VTI1A: variants seen among roughly 807,000 people sequenced by gnomAD.
VTI1A encodes vesicle transport through interaction with t-SNAREs homolog 1A.
A neutral mutation model predicts 34.9 loss-of-function variants in VTI1A; 22 were observed. The observed-to-expected ratio is 0.63, with a 90% CI of 0.45 to 0.90. The LOEUF is 0.90. Ranked by LOEUF, VTI1A falls within the 40% of genes least tolerant of loss-of-function variation. The pLI is 0.00. For synonymous variants in VTI1A, 87 were observed against 97.3 expected, an observed-to-expected ratio of 0.89 and a Z score of 0.62; for missense variants, 268 against 275.6, an observed-to-expected ratio of 0.97 and a Z score of 0.20.
In VTI1A at chr10:112,792,988, C is replaced by G. The variant is rs74156815; in HGVS notation, c.561-22302C>G. On this transcript the variant is annotated intron_variant, in intron 7 of 7. Transcript: ENST00000393077. Reference sequence around the variant, plus strand: ...CACTGACTCAAAAGCCTGTGATGCACTCTTGTTCCTTGCCTCGCCTGGCTC... The same window carrying G: ...CACTGACTCAAAAGCCTGTGATGCAGTCTTGTTCCTTGCCTCGCCTGGCTC... Among the ~76,000 whole-genome samples the G allele has an allele frequency of 7.5e-3, 1,144 of 152,298 alleles. 14 individuals are homozygous for G. Among genetic ancestry groups the G allele is most frequent in the African/African-American group, 0.026 (1,079 of 41,568 alleles).
intron 7 of VTI1A, among the ~76,000 whole-genome samples, chr10:112,800,813 T>A (rs115151276): frequency 9.0e-4 from 137 of 152,356 alleles, no homozygotes; most frequent in African/African-American, 2.9e-3. Context: ...CACTGGTACA[T>A]CTTCTCCTAC....
intron 5 of VTI1A, among the ~76,000 whole-genome samples, chr10:112,544,744 G>A (rs114473911): frequency 6.6e-6 from 1 of 152,290 alleles, no homozygotes; most frequent in African/African-American, 2.4e-5. Flanking sequence ...TCAGTAAGCT[G>A]GGACAGATGA....
chr10:112,747,577 A>G (rs1256387786), intron 7 of VTI1A, among the ~76,000 whole-genome samples: 1 of 152,210 alleles, frequency 6.6e-6, no homozygotes, highest in Non-Finnish European at 1.5e-5. Context: ...GTGGCCGATG[A>G]CCGTAATTGT....
intron 5 of VTI1A, among the ~76,000 whole-genome samples, chr10:112,545,835 G>T (rs959944533): frequency 1.3e-5 from 2 of 151,914 alleles, no homozygotes; most frequent in Admixed American, 6.6e-5. Flanking sequence ...GTGTGCGCAC[G>T]CGTGCGCGTG....
At chr10:112,698,278 T>G (rs1848866753) in intron 7 of VTI1A, among the ~76,000 whole-genome samples, 1 of 152,172 alleles carries the variant, frequency 6.6e-6, no homozygotes, top group African/African-American at 2.4e-5. Flanking sequence ...ACCTTGAGAC[T>G]TGGGTAATAT....
chr10:112,474,744 A>G (rs543081927), intron 3 of VTI1A, among the ~76,000 whole-genome samples: 5 of 152,320 alleles, frequency 3.3e-5, no homozygotes, highest in Admixed American at 1.3e-4. Flanking sequence ...GGCATGAGCC[A>G]CCATGCCTGG....
intron 1 of VTI1A, among the ~76,000 whole-genome samples, chr10:112,447,765 A>T (rs1306102345): frequency 1.3e-5 from 2 of 152,226 alleles, no homozygotes; most frequent in Admixed American, 1.3e-4. Flanking sequence ...TAATGTTTTC[A>T]TTTGTAAATT....
intron 7 of VTI1A, among the ~76,000 whole-genome samples, chr10:112,742,883 A>G (rs1477407019): frequency 6.6e-6 from 1 of 152,216 alleles, no homozygotes; most frequent in Non-Finnish European, 1.5e-5. Context: ...ATAAATCAAA[A>G]TGCTCTTAAG....
chr10:112,703,152 TTTC>T (rs1299943483), intron 7 of VTI1A, among the ~76,000 whole-genome samples: 1 of 152,258 alleles, frequency 6.6e-6, no homozygotes, highest in Non-Finnish European at 1.5e-5. Flanking sequence ...TGTATTTTTT[TTTC>T]ATTGTGAGAT....
chr10:112,738,562 T>C (rs776750549), intron 7 of VTI1A, among the ~76,000 whole-genome samples: 10 of 152,182 alleles, frequency 6.6e-5, no homozygotes, highest in Non-Finnish European at 1.3e-4. Context: ...AAGGAATTAA[T>C]ATTTTGTGGG....
chr10:112,798,383 G>A (rs7082784), intron 7 of VTI1A, among the ~76,000 whole-genome samples: 3 of 152,052 alleles, frequency 2.0e-5, no homozygotes, highest in South Asian at 4.1e-4. Context: ...AGGGGCCATC[G>A]TGTTGTCTAG....
At chr10:112,692,927 G>A (rs995344227) in intron 7 of VTI1A, among the ~76,000 whole-genome samples, 10 of 152,168 alleles carry the variant, frequency 6.6e-5, no homozygotes, top group East Asian at 1.9e-4. Context: ...CTGCCTCACC[G>A]TGTCAGTAAA....
intron 5 of VTI1A, among the ~76,000 whole-genome samples, chr10:112,573,255 C>T (rs911918516): frequency 2.0e-5 from 3 of 152,118 alleles, no homozygotes; most frequent in Non-Finnish European, 4.4e-5. Context: ...ATGTACCTGT[C>T]CTTGTATGCT....
intron 5 of VTI1A, among the ~76,000 whole-genome samples, chr10:112,643,081 T>C (rs1409139889): frequency 6.7e-6 from 1 of 149,648 alleles, no homozygotes; most frequent in Non-Finnish European, 1.5e-5. Context: ...GCCTCCCAGG[T>C]TCAAGCAATT....
intron 7 of VTI1A, among the ~76,000 whole-genome samples, chr10:112,709,234 T>C (rs1053957006): frequency 6.6e-6 from 1 of 152,176 alleles, no homozygotes; most frequent in Admixed American, 6.5e-5. Context: ...TCTTTAAGAG[T>C]GTCTGGTTGC....
In VTI1A at chr10:112,566,363, G is replaced by T. The variant is rs143240266; in HGVS notation, c.427+28033G>T. Among the ~76,000 whole-genome samples the T allele has an allele frequency of 6.5e-3, 992 of 152,184 alleles. 7 individuals are homozygous for T. The highest frequency in any genetic ancestry group is 0.023 in the African/African-American group (939 of 41,534). On this transcript the variant is annotated intron_variant, in intron 5 of 7. Coordinates refer to ENST00000393077, the MANE Select transcript of VTI1A (RefSeq NM_145206.4). ...GATTTAAAATAACATCAACTGCATT[G>T]CATTTAAACATAAGCACTTCTTAAC...
intron 7 of VTI1A, among the ~76,000 whole-genome samples, chr10:112,783,255 G>A (rs999057002): frequency 6.6e-6 from 1 of 152,216 alleles, no homozygotes; most frequent in Non-Finnish European, 1.5e-5. Context: ...GAAGAGAACT[G>A]AGTCTTTGTC....
chr10:112,593,058 C>G (rs1844454671), intron 5 of VTI1A, among the ~76,000 whole-genome samples: 1 of 152,208 alleles, frequency 6.6e-6, no homozygotes, highest in Non-Finnish European at 1.5e-5. Flanking sequence ...ATGCAGTCAT[C>G]TTATACCAAA....
chr10:112,640,558 C>A (rs1480706555), intron 5 of VTI1A, among the ~76,000 whole-genome samples: 1 of 151,574 alleles, frequency 6.6e-6, no homozygotes. Context: ...ACAACAACAA[C>A]AACAAAAAAA....
Sources: gnomAD v4.1 joint callset for allele counts (sites outside exome capture counted in the v4.1 genomes callset) on GRCh38, gnomAD v4.1.1 for gene constraint, MANE v1.5 for transcripts, NCBI Gene and HGNC (gene_info 2026-07-23, HGNC 2026-07-21) for gene names.